STON1: variants seen among roughly 807,000 people sequenced by gnomAD.
The protein encoded by STON1 is stonin-1.
In STON1, 79 loss-of-function variants were observed where a neutral mutation model predicts 60.9. That is an observed-to-expected ratio of 1.30 (90% CI 1.08 to 1.56). The LOEUF (loss-of-function observed/expected upper bound fraction) is 1.56. STON1 is among the 40% of genes most tolerant of loss of function. STON1 has a pLI of 0.00. For synonymous variants in STON1, 363 were observed against 306.9 expected, an observed-to-expected ratio of 1.18 and a Z score of -1.91; for missense variants, 1,166 against 858.9, an observed-to-expected ratio of 1.36 and a Z score of -4.47.
chr2:48,536,314 A>ACCTG (rs1209973925), intron 1 of STON1, among the ~76,000 whole-genome samples: 4 of 152,122 alleles, frequency 2.6e-5, no homozygotes, highest in African/African-American at 7.2e-5. Flanking sequence ...TTGGGAGGCC[A>ACCTG]AGGTGGGCAG....
At position 48,578,084 on chromosome 2, in the gene STON1, C is replaced by T. The variant is rs913473780; in HGVS notation, c.-47-2503C>T. Among the ~76,000 whole-genome samples, 10 of 152,162 alleles carry T rather than the reference C, an allele frequency of 6.6e-5. No individual in the cohort carries two copies. The East Asian group carries it at 1.2e-3, about 18-fold the overall frequency. On this transcript the variant is annotated intron_variant, in intron 1 of 3. Coordinates refer to ENST00000404752, the MANE Select transcript of STON1 (RefSeq NM_006873.4). The stretch of plus-strand genomic sequence containing the variant: ...CAACCTCTGCCTCCCAGGCAATTCC[C>T]CTGCCTTAGCCTCCAGAGTAGCTTG...
chr2:48,538,660 C>T (rs144330855), intron 1 of STON1, among the ~76,000 whole-genome samples: 58 of 151,070 alleles, frequency 3.8e-4, no homozygotes, highest in East Asian at 2.5e-3. Flanking sequence ...GTGAGTCATG[C>T]GATCTCGGCT....
intron 1 of STON1, among the ~76,000 whole-genome samples, chr2:48,564,470 C>CTTCTTCTTCTTCTTCT (rs1672774335): frequency 3.7e-5 from 2 of 54,562 alleles, no homozygotes; most frequent in Admixed American, 1.7e-4. Flanking sequence ...TCTTCTTCTT[C>CTTCTTCTTCTTCTTCT]TTCTTCTTCT....
chr2:48,546,012 C>T (rs1671850574), intron 1 of STON1, among the ~76,000 whole-genome samples: 1 of 152,194 alleles, frequency 6.6e-6, no homozygotes, highest in African/African-American at 2.4e-5. Flanking sequence ...TTTCTCTCCT[C>T]TTATATTTCA....
At chr2:48,536,602 A>T (rs1398558741) in intron 1 of STON1, among the ~76,000 whole-genome samples, 4 of 151,940 alleles carry the variant, frequency 2.6e-5, no homozygotes, top group Non-Finnish European at 5.9e-5. Flanking sequence ...ATAAGGAAGA[A>T]CGCAAAAATT....
chr2:48,595,122 G>T, intron 3 of STON1, 106 bp from the exon 4 acceptor site: 1 of 851,976 alleles, frequency 1.2e-6, no homozygotes, highest in South Asian at 1.4e-5. Context: ...GTGTCCAAAG[G>T]GTGAGGTTTG....
Position 48,580,881 on chromosome 2 carries a change from C to A in STON1, c.248C>A (p.Thr83Lys). Residue 83 changes from threonine to lysine, a missense_variant, in exon 2 of 4, where the codon ACA becomes AAA. Transcript: ENST00000404752. The part of the protein sequence containing the change: ...PGPPSNSPLS[T>K]PTKDFPGFPG... The stretch of plus-strand genomic sequence containing the variant: ...CCTCCAAGTAACTCTCCTCTTTCTA[C>A]ACCTACCAAAGACTTCCCAGGTTTT... 6.3e-7 allele frequency: 1 copy of A among 1,587,286 alleles called. No individual in the cohort carries two copies. Among genetic ancestry groups the A allele is most frequent in the African/African-American group, 1.3e-5 (1 of 74,094 alleles).
intron 1 of STON1, among the ~76,000 whole-genome samples, chr2:48,576,558 T>C (rs983681165): frequency 2.0e-5 from 3 of 151,438 alleles, no homozygotes; most frequent in Non-Finnish European, 4.4e-5. Context: ...AGGTGATAGA[T>C]ACCTCGTTGT....
intron 1 of STON1, among the ~76,000 whole-genome samples, chr2:48,545,702 G>A (rs923317829): frequency 6.6e-6 from 1 of 152,150 alleles, no homozygotes; most frequent in African/African-American, 2.4e-5. Flanking sequence ...TTTGTCTTCT[G>A]ATTTGTTACT....
chr2:48,557,140 G>A (rs777276878), intron 1 of STON1, among the ~76,000 whole-genome samples: 2,878 of 100,248 alleles, frequency 0.029, 75 homozygotes, highest in Non-Finnish European at 0.036. Flanking sequence ...TTCCCAGATG[G>A]GGTGGCTGCC....
chr2:48,552,052 G>C (rs908089228), intron 1 of STON1, among the ~76,000 whole-genome samples: 2 of 152,234 alleles, frequency 1.3e-5, no homozygotes, highest in African/African-American at 4.8e-5. Context: ...ATTGCCTGCT[G>C]CTCCAGTGAT....
At chr2:48,564,509 TC>T (rs1672809375) in intron 1 of STON1, among the ~76,000 whole-genome samples, 3 of 29,634 alleles carry the variant, frequency 1.0e-4, no homozygotes, top group Non-Finnish European at 1.9e-4. Context: ...TTCTTCTTCT[TC>T]TTCTTCTTCT....
At chr2:48,585,301 G>A (rs961602758) in intron 2 of STON1, among the ~76,000 whole-genome samples, 1 of 151,896 alleles carries the variant, frequency 6.6e-6, no homozygotes, top group Non-Finnish European at 1.5e-5. Context: ...AGGCTGGAGT[G>A]CAGTGGTGCA....
chr2:48,532,855 C>T (rs1278018317), intron 1 of STON1, among the ~76,000 whole-genome samples: 1 of 152,102 alleles, frequency 6.6e-6, no homozygotes, highest in Non-Finnish European at 1.5e-5. Flanking sequence ...TTGGAAATAT[C>T]AATACATGAA....
At position 48,598,285 on chromosome 2, in the gene STON1, T is replaced by C. The variant is rs896365169; in HGVS notation, c.*2983T>C. On this transcript the variant is annotated 3_prime_UTR_variant, in exon 4 of 4. Transcript: ENST00000404752. ...ACCTGATGTATATATTAGACAGTTC[T>C]AGGATGTTAGTTCCCTTCATTCCAG... 13 of 152,522 alleles carry C rather than the reference T, an allele frequency of 8.5e-5. No homozygotes were observed. The highest frequency in any genetic ancestry group is 3.1e-4 in the African/African-American group (13 of 41,458). 9.4% of individuals were successfully genotyped at this position (152,522 alleles called of 1,614,324 possible).
intron 1 of STON1, among the ~76,000 whole-genome samples, chr2:48,548,329 C>G (rs1357243625): frequency 6.6e-6 from 1 of 152,180 alleles, no homozygotes; most frequent in East Asian, 1.9e-4. Context: ...TTCCATTCCA[C>G]TTTTGTCTGC....
intron 2 of STON1, among the ~76,000 whole-genome samples, chr2:48,583,947 C>T (rs1024435060): frequency 1.7e-4 from 26 of 151,666 alleles, no homozygotes; most frequent in African/African-American, 6.3e-4. Context: ...GACAGGGTTT[C>T]ACCATATTGG....
intron 2 of STON1, among the ~76,000 whole-genome samples, chr2:48,590,120 G>T (rs1261447672): frequency 6.6e-6 from 1 of 152,166 alleles, no homozygotes; most frequent in Non-Finnish European, 1.5e-5. Context: ...GCAGACAGAG[G>T]ACTAAAAAGA....
chr2:48,573,903 G>T (rs1673342102), intron 1 of STON1, among the ~76,000 whole-genome samples: 1 of 152,204 alleles, frequency 6.6e-6, no homozygotes, highest in Non-Finnish European at 1.5e-5. Context: ...ATTATGCTAG[G>T]TGAAAGAAGC....
Sources: allele counts gnomAD v4.1 joint callset (sites outside exome capture counted in the v4.1 genomes callset), GRCh38; gene constraint gnomAD v4.1.1; transcripts MANE v1.5; gene names NCBI Gene and HGNC (gene_info 2026-07-23, HGNC 2026-07-21).